DPYD: variants seen among roughly 807,000 people sequenced by gnomAD.
DPYD encodes the protein dihydropyrimidine dehydrogenase.
In DPYD, 109 loss-of-function variants were observed where a neutral mutation model predicts 116.2. That is an observed-to-expected ratio of 0.94 (90% confidence interval 0.80 to 1.10). DPYD has a LOEUF of 1.10. Among genes scored for constraint, DPYD ranks in the 50% least tolerant of loss-of-function variants. The probability of loss-of-function intolerance (pLI) is 0.00; values close to 1 mark genes in which losing one functional copy is unlikely to be tolerated. For missense variants in DPYD, 1,302 were observed against 1,254.5 expected (o/e 1.04, Z -0.57); for synonymous variants, 440 against 432.0 (o/e 1.02, Z -0.23).
chr1:97,294,080 G>A (rs6674636), intron 18 of DPYD, among the ~76,000 whole-genome samples: 145,071 of 152,186 alleles, frequency 0.95, 69,559 homozygotes, highest in East Asian at 1. Context: ...TCGATATGAA[G>A]GAAACAACGG....
intron 3 of DPYD, among the ~76,000 whole-genome samples, chr1:97,761,479 T>C (rs766085188): frequency 6.6e-6 from 1 of 152,004 alleles, no homozygotes. Flanking sequence ...ATTCTAAAGA[T>C]AGAAAATCCT....
intron 20 of DPYD, among the ~76,000 whole-genome samples, chr1:97,144,251 T>A (rs1042869345): frequency 1.3e-5 from 2 of 152,184 alleles, no homozygotes; most frequent in African/African-American, 2.4e-5. Flanking sequence ...AAGAAGAATC[T>A]CTTACATTCT....
At chr1:97,442,688 G>C (rs11165874) in intron 14 of DPYD, among the ~76,000 whole-genome samples, 56,816 of 151,620 alleles carry the variant, frequency 0.37, 11,201 homozygotes, top group East Asian at 0.66. Context: ...GACATATAAT[G>C]AACTCAAATT....
At chr1:97,798,806 T>C (rs1285548299) in intron 3 of DPYD, among the ~76,000 whole-genome samples, 3 of 152,134 alleles carry the variant, frequency 2.0e-5, no homozygotes, top group East Asian at 3.9e-4. Context: ...TTATTTAAAG[T>C]TTCATCTGCT....
intron 20 of DPYD, among the ~76,000 whole-genome samples, chr1:97,121,736 T>G (rs1349860877): frequency 1.3e-5 from 2 of 152,170 alleles, no homozygotes; most frequent in Non-Finnish European, 2.9e-5. Flanking sequence ...AAAGGTGGGC[T>G]TATAAACAGA....
intron 3 of DPYD, among the ~76,000 whole-genome samples, chr1:97,779,507 C>A (rs1046862759): frequency 1.3e-5 from 2 of 151,856 alleles, no homozygotes; most frequent in African/African-American, 2.4e-5. Context: ...TACATATAAC[C>A]CTCTTTTTGA....
chr1:97,142,445 C>G (rs1020528331), intron 20 of DPYD, among the ~76,000 whole-genome samples: 1 of 151,970 alleles, frequency 6.6e-6, no homozygotes, highest in African/African-American at 2.4e-5. Context: ...CTCTCTTTTT[C>G]TCAAGGACCA....
intron 18 of DPYD, among the ~76,000 whole-genome samples, chr1:97,275,675 A>T (rs573019043): frequency 1.3e-5 from 2 of 152,316 alleles, no homozygotes; most frequent in Non-Finnish European, 2.9e-5. Flanking sequence ...AGGGAGCAAG[A>T]TTTAGATTCT....
intron 18 of DPYD, among the ~76,000 whole-genome samples, chr1:97,236,114 T>C (rs551319952): frequency 3.9e-5 from 6 of 152,350 alleles, no homozygotes; most frequent in African/African-American, 1.4e-4. Context: ...AATAAAGGAA[T>C]ATAATTTGAT....
intron 20 of DPYD, among the ~76,000 whole-genome samples, chr1:97,184,505 T>C (rs1225340775): frequency 6.6e-6 from 1 of 152,192 alleles, no homozygotes; most frequent in Non-Finnish European, 1.5e-5. Context: ...TTTGCATTTC[T>C]CTAATGATCA....
In DPYD at chr1:97,406,289, T is replaced by TA. The variant is rs11366169; in HGVS notation, c.1906-23829dup. On this transcript the variant is annotated intron_variant, in intron 14 of 22. Transcript: ENST00000370192. ...TAGTCTCTTTAGCTTTTTTTTTTTT[T>TA]AAAATTATTAATTTATTTTTTATTT... is the stretch of plus-strand genomic sequence containing the variant. Among the ~76,000 whole-genome samples, 30 of 143,942 alleles carry TA rather than the reference T, an allele frequency of 2.1e-4. 1 individual carries two copies. The highest frequency in any genetic ancestry group is 4.0e-4 in the East Asian group (2 of 5,050). 94.4% of individuals were successfully genotyped at this position (143,942 alleles called of 152,430 possible). A position where few individuals can be genotyped will look rare whatever the true frequency, so the allele number is the denominator to read the frequency against.
At chr1:97,726,197 A>G (rs1465513733) in intron 4 of DPYD, among the ~76,000 whole-genome samples, 1 of 151,570 alleles carries the variant, frequency 6.6e-6, no homozygotes, top group Non-Finnish European at 1.5e-5. Context: ...TAACATGTAC[A>G]TTCATAGGTT....
chr1:97,888,917 G>A (rs113988492), intron 1 of DPYD, among the ~76,000 whole-genome samples: 265 of 152,230 alleles, frequency 1.7e-3, no homozygotes, highest in African/African-American at 6.2e-3. Context: ...CAACACTTTG[G>A]GAGTCCAAGG....
At chr1:97,863,769 A>G (rs1204060098) in intron 2 of DPYD, among the ~76,000 whole-genome samples, 2 of 151,888 alleles carry the variant, frequency 1.3e-5, no homozygotes, top group Admixed American at 1.3e-4. Context: ...AAACCCTTCA[A>G]ACTAGAATAA....
rs563206916 is a variant in DPYD at position 97,486,265 on chromosome 1, T to C, written c.1740+29461A>G. Among the ~76,000 whole-genome samples the C allele has an allele frequency of 1.2e-4, 18 of 152,316 alleles. No individual in the cohort carries two copies. In the East Asian group the frequency reaches 3.5e-3, roughly 29 times the overall value. ...TATGTAAGGATAGAATCTATTTGAGTACATTAATAAATTATTTTGGCCTTC... is the reference window on the plus strand; with the variant it reads ...TATGTAAGGATAGAATCTATTTGAGCACATTAATAAATTATTTTGGCCTTC... On this transcript the variant is annotated intron_variant, in intron 13 of 22. Coordinates refer to ENST00000370192, the MANE Select transcript of DPYD (RefSeq NM_000110.4).
intron 8 of DPYD, among the ~76,000 whole-genome samples, chr1:97,642,486 T>C (rs1041007882): frequency 3.3e-5 from 5 of 151,916 alleles, no homozygotes; most frequent in African/African-American, 1.2e-4. Context: ...AAACAAGAAA[T>C]GGGGAAAGGA....
chr1:97,213,762 C>T (rs927047113), intron 19 of DPYD, among the ~76,000 whole-genome samples: 2 of 152,140 alleles, frequency 1.3e-5, no homozygotes, highest in East Asian at 1.9e-4. Flanking sequence ...GACCTTCGTC[C>T]TCTGTTTTCT....
chr1:97,184,327 T>A (rs1331129675), intron 20 of DPYD, among the ~76,000 whole-genome samples: 1 of 152,130 alleles, frequency 6.6e-6, no homozygotes, highest in Admixed American at 6.6e-5. Flanking sequence ...TTTTTGCTCT[T>A]TGAGGAATCA....
chr1:97,785,536 C>T (rs551408615), intron 3 of DPYD, among the ~76,000 whole-genome samples: 2 of 152,112 alleles, frequency 1.3e-5, no homozygotes, highest in East Asian at 1.9e-4. Flanking sequence ...TCTTCAATGC[C>T]GTATGTTTTT....
Sources: allele counts gnomAD v4.1 joint callset (sites outside exome capture counted in the v4.1 genomes callset), GRCh38; gene constraint gnomAD v4.1.1; transcripts MANE v1.5; gene names NCBI Gene and HGNC (gene_info 2026-07-23, HGNC 2026-07-21).